The following MBNL3 variants were observed in gnomAD, a reference collection of about 807,000 sequenced individuals.
MBNL3 encodes the protein muscleblind like splicing regulator 3.
Under a neutral mutation model 24.5 loss-of-function variants are expected in MBNL3, and 6 were observed. The observed-to-expected ratio is 0.25, with a 90% CI of 0.13 to 0.48. The LOEUF is 0.48. Among genes scored for constraint, MBNL3 ranks in the 20% least tolerant of loss-of-function variants. The pLI is 0.99. For synonymous variants in MBNL3, 100 were observed against 101.7 expected (o/e 0.98, Z 0.10); for missense variants, 230 against 293.5 (o/e 0.78, Z 1.58).
In MBNL3 at chrX:132,439,635, A is replaced by G. The variant is rs199884756; in HGVS notation, c.-24T>C. ...ATATTGAAAGCAAAATTAAAATCCAATGTACCCTCTTTAGGACAATATTAC... is the reference window on the plus strand; with the variant it reads ...ATATTGAAAGCAAAATTAAAATCCAGTGTACCCTCTTTAGGACAATATTAC... On this transcript the variant is annotated 5_prime_UTR_variant, in exon 2 of 9. Coordinates refer to ENST00000370853, the MANE Select transcript of MBNL3 (RefSeq NM_001386889.1). 1.4e-4 allele frequency: 170 copies of G among 1,178,225 alleles called. No individual in the cohort carries two copies. The African/African-American group carries it at 2.2e-3, about 15-fold the overall frequency.
chrX:132,470,360 T>C (rs940814585), intron 1 of MBNL3, among the ~76,000 whole-genome samples: 4 of 110,430 alleles, frequency 3.6e-5, no homozygotes, highest in Admixed American at 1.9e-4. Flanking sequence ...ATAAAGTACG[T>C]TGAATGAATA....
At chrX:132,442,009 T>C (rs1457551199) in intron 1 of MBNL3, among the ~76,000 whole-genome samples, 1 of 111,921 alleles carries the variant, frequency 8.9e-6, no homozygotes, top group East Asian at 2.8e-4. Flanking sequence ...GGCCACATAT[T>C]GTATGATTCC....
Position 132,406,881 on chromosome X carries a change from C to T in MBNL3, c.178-489G>A, listed in dbSNP as rs189787613. 2.7e-5 allele frequency among the ~76,000 whole-genome samples: 3 copies of T among 111,849 alleles called. No homozygotes were observed. In the Admixed American group the frequency reaches 2.8e-4, roughly 11 times the overall value. On this transcript the variant is annotated intron_variant, in intron 2 of 8. Coordinates refer to ENST00000370853, the MANE Select transcript of MBNL3 (RefSeq NM_001386889.1). The stretch of plus-strand genomic sequence containing the variant: ...CATGAGCAGTATATAAAGAAGCTAA[C>T]GATTCTCTCTTATTTGGATTACTAG...
At chrX:132,402,632 C>A (rs1252144806) in intron 3 of MBNL3, among the ~76,000 whole-genome samples, 1 of 111,615 alleles carries the variant, frequency 9.0e-6, no homozygotes, top group Non-Finnish European at 1.9e-5. Context: ...GTTTCACCTG[C>A]TGAACTTCCT....
chrX:132,436,265 A>G (rs951916684), intron 2 of MBNL3, among the ~76,000 whole-genome samples: 9 of 112,215 alleles, frequency 8.0e-5, no homozygotes, highest in Non-Finnish European at 1.5e-4. Context: ...CTAGATTTCC[A>G]TTTGAAGATG....
intron 2 of MBNL3, among the ~76,000 whole-genome samples, chrX:132,414,157 T>C (rs749476199): frequency 1.8e-5 from 2 of 112,422 alleles, no homozygotes; most frequent in Non-Finnish European, 3.8e-5. Flanking sequence ...TAGAGAGGTA[T>C]GGCTAATTCT....
intron 1 of MBNL3, among the ~76,000 whole-genome samples, chrX:132,487,187 G>A (rs916438022): frequency 9.1e-6 from 1 of 109,454 alleles, no homozygotes; most frequent in African/African-American, 3.3e-5. Context: ...CATTTGGTCC[G>A]AAGTCTTTTA....
At chrX:132,449,987 C>T (rs960327274) in intron 1 of MBNL3, among the ~76,000 whole-genome samples, 11 of 72,265 alleles carry the variant, frequency 1.5e-4, no homozygotes, top group South Asian at 9.1e-4. Context: ...GCCCCCCCCC[C>T]CCCCCCGCCA....
Position 132,383,954 on chromosome X carries a change from G to A in MBNL3, c.958+709C>T, listed in dbSNP as rs780400705. 4.5e-5 allele frequency among the ~76,000 whole-genome samples: 5 copies of A among 112,046 alleles called. No individual in the cohort carries two copies. The South Asian group carries it at 1.9e-3, about 42-fold the overall frequency. The stretch of plus-strand genomic sequence containing the variant: ...TTCCTTGTGCCCATGAGGACTGTAG[G>A]AGCTGTGAACTCCCCATTCCTTTCT... On this transcript the variant is annotated intron_variant, in intron 7 of 8. Coordinates refer to ENST00000370853, the MANE Select transcript of MBNL3 (RefSeq NM_001386889.1).
chrX:132,439,548 C>T lies in MBNL3; in HGVS notation c.64G>A (p.Glu22Lys), dbSNP rs868734311. 1 of 1,209,261 alleles carries T rather than the reference C, an allele frequency of 8.3e-7. No homozygotes were observed. Among genetic ancestry groups the T allele is most frequent in the Non-Finnish European group, 1.1e-6 (1 of 894,551 alleles). Reference protein sequence around the residue: ...TKWLTLEVCREFQRGTCSRAD... With the variant: ...TKWLTLEVCRKFQRGTCSRAD... ...CGAGAGCAAGTTCCTCTCTGAAATT[C>T]TCTACAGACTTCTAAAGTCAGCCAC... The change falls in exon 2 of 9, where the codon GAA becomes AAA. Residue 22 changes from glutamate (E) to lysine (K), a missense_variant. Transcript: ENST00000370853.
intron 1 of MBNL3, among the ~76,000 whole-genome samples, chrX:132,450,232 T>C (rs1946020721): frequency 8.9e-6 from 1 of 111,819 alleles, no homozygotes; most frequent in South Asian, 3.8e-4. Flanking sequence ...GAGGAAGTTC[T>C]CCTGGATAAT....
rs1934322345 is a variant in MBNL3 at position 132,378,226 on chromosome X, C to CTG, written c.*1438_*1439dup. ...TATATCACAGGTGCTTTCTCCTTCACTGAACTGTTTAACAAAACGAAACTC... is the reference window on the plus strand; with the variant it reads ...TATATCACAGGTGCTTTCTCCTTCACTGTGAACTGTTTAACAAAACGAAACTC... On this transcript the variant is annotated 3_prime_UTR_variant, in exon 9 of 9. Transcript: ENST00000370853. 1 of 111,585 alleles carries CTG rather than the reference C, an allele frequency of 9.0e-6. No individual in the cohort carries two copies. Among genetic ancestry groups the CTG allele is most frequent in the African/African-American group, 3.3e-5 (1 of 30,703 alleles). 9.2% of individuals were successfully genotyped at this position (111,585 alleles called of 1,213,427 possible).
chrX:132,388,190 A>C (rs146816845), intron 5 of MBNL3, among the ~76,000 whole-genome samples: 1 of 111,788 alleles, frequency 8.9e-6, no homozygotes, highest in East Asian at 2.8e-4. Flanking sequence ...ACACTGTGAC[A>C]GATCTGCTTT....
intron 2 of MBNL3, among the ~76,000 whole-genome samples, chrX:132,408,504 T>A (rs1190745996): frequency 4.5e-5 from 5 of 111,342 alleles, no homozygotes; most frequent in African/African-American, 1.6e-4. Flanking sequence ...ATAATTGGAA[T>A]TTCACCATTT....
chrX:132,448,551 C>A lies in MBNL3; in HGVS notation c.-703-8237G>T, dbSNP rs753559908. Reference sequence around the variant, plus strand: ...TTCTCCCTTTTCTTCTTTATTAGTCCGGCTAGTGGTCTCTTTTGTTAATCT... The same window carrying A: ...TTCTCCCTTTTCTTCTTTATTAGTCAGGCTAGTGGTCTCTTTTGTTAATCT... On this transcript the variant is annotated intron_variant, in intron 1 of 8. Transcript: ENST00000370853. Among the ~76,000 whole-genome samples the A allele has an allele frequency of 1.7e-4, 19 of 110,293 alleles. No homozygotes were observed. In the Middle Eastern group the frequency reaches 0.019, roughly 110 times the overall value.
chrX:132,449,464 C>CT (rs751006249), intron 1 of MBNL3, among the ~76,000 whole-genome samples: 658 of 29,741 alleles, frequency 0.022, 51 homozygotes, highest in African/African-American at 0.055. Flanking sequence ...GCAACCCCTG[C>CT]TTTTTTTTTT....
chrX:132,470,316 C>T (rs1363305893), intron 1 of MBNL3, among the ~76,000 whole-genome samples: 1 of 110,885 alleles, frequency 9.0e-6, no homozygotes, highest in Non-Finnish European at 1.9e-5. Flanking sequence ...ATCCTCAGCA[C>T]CTAGAAACAT....
At chrX:132,459,791 GT>G (rs1203782774) in intron 1 of MBNL3, among the ~76,000 whole-genome samples, 3 of 112,046 alleles carry the variant, frequency 2.7e-5, no homozygotes, top group Non-Finnish European at 3.8e-5. Flanking sequence ...TTTAAACTCA[GT>G]ATCTCAGTTT....
chrX:132,462,983 T>C (rs763920185), intron 1 of MBNL3, among the ~76,000 whole-genome samples: 2 of 111,651 alleles, frequency 1.8e-5, no homozygotes, highest in East Asian at 5.6e-4. Flanking sequence ...GCCCAGAGCT[T>C]TTTAATAAAC....
Sources: gnomAD v4.1 joint callset for allele counts (sites outside exome capture counted in the v4.1 genomes callset) on GRCh38, gnomAD v4.1.1 for gene constraint, MANE v1.5 for transcripts, NCBI Gene and HGNC (gene_info 2026-07-23, HGNC 2026-07-21) for gene names.